The following ZNF750 variants were observed in gnomAD, a reference collection of about 807,000 sequenced individuals.
ZNF750 encodes the protein protein ZNF750.
Under a neutral mutation model 31.6 loss-of-function variants are expected in ZNF750, and 10 were observed. That is an observed-to-expected ratio of 0.32 (90% confidence interval 0.19 to 0.54). The LOEUF (loss-of-function observed/expected upper bound fraction) is 0.54. ZNF750 is among the 20% of genes least tolerant of loss of function. ZNF750 has a pLI of 0.95. For synonymous variants in ZNF750, 400 were observed against 404.9 expected (o/e 0.99, Z 0.15); for missense variants, 914 against 934.9 (o/e 0.98, Z 0.29).
chr17:82,830,732 G>T lies in ZNF750; in HGVS notation c.1582C>A (p.His528Asn), dbSNP rs754545959. 1 of 1,614,088 alleles carries T rather than the reference G, an allele frequency of 6.2e-7. No homozygotes were observed. Among genetic ancestry groups the T allele is most frequent in the South Asian group, 1.1e-5 (1 of 91,076 alleles). Reference sequence around the variant, plus strand: ...GGGCTGCCTTGGTACGTGGGTTCGTGGGTGGCTGCCAGGTTTATCTCTGAT... The same window carrying T: ...GGGCTGCCTTGGTACGTGGGTTCGTTGGTGGCTGCCAGGTTTATCTCTGAT... ...KKSEINLAAT[H>N]EPTYQGSPQA... Residue 528 changes from histidine (H) to asparagine (N), a missense_variant, in exon 3 of 3, where the codon CAC (histidine) becomes AAC (asparagine). By Grantham distance (68) the His-to-Asn change is moderately conservative. Around this residue, in one of 2 missense-constraint regions of ZNF750, gnomAD observed 880 missense variants for 868.9 expected, o/e 1.01. Transcript: ENST00000269394.
Position 82,835,815 on chromosome 17 carries a change from A to G in ZNF750, c.-182-3179T>C, listed in dbSNP as rs1330667672. ...TTTAAGTTCTTTAAGACATTTATTT[A>G]CTAAGAAGTGGTTTGGGTAGAAAAG... On this transcript the variant is annotated intron_variant, in intron 1 of 2. Transcript: ENST00000269394. The surrounding 1 kb of genome is among the most constrained non-coding windows in gnomAD (Gnocchi z 4.5). Among the ~76,000 whole-genome samples the G allele has an allele frequency of 6.6e-6, 1 of 152,204 alleles. No individual in the cohort carries two copies. The highest frequency in any genetic ancestry group is 1.5e-5 in the Non-Finnish European group (1 of 68,046).
At position 82,830,784 on chromosome 17, in the gene ZNF750, C is replaced by T; in HGVS notation, c.1530G>A (p.Gly510=). The part of the protein sequence containing the change: ...AAPSSPDDSS[G]MGPLNLSKKS... ...TCTTGGAGAGGTTGAGGGGGCCCATCCCGGAGCTGTCGTCCGGACTGGAAG... is the reference window on the plus strand; with the variant it reads ...TCTTGGAGAGGTTGAGGGGGCCCATTCCGGAGCTGTCGTCCGGACTGGAAG... The change falls in exon 3 of 3, where the codon GGG becomes GGA. Residue 510 remains glycine (G), a synonymous_variant. Transcript: ENST00000269394. 1.2e-6 allele frequency: 2 copies of T among 1,613,612 alleles called. No individual in the cohort carries two copies. The highest frequency in any genetic ancestry group is 2.2e-5 in the East Asian group (1 of 44,876).
rs1326538356 is a variant in ZNF750, at chr17:82,832,645, A to C, written c.-182-9T>G. The stretch of plus-strand genomic sequence containing the variant: ...CATCTGGCGGCTGGGAGCTGTAATA[A>C]AGAGCAGTCTTGGTGTCAGGACAGC... On this transcript the variant is annotated splice_polypyrimidine_tract_variant and intron_variant, in intron 1 of 2. Coordinates refer to ENST00000269394, the MANE Select transcript of ZNF750 (RefSeq NM_024702.3). The surrounding 1 kb of genome is among the most constrained non-coding windows in gnomAD (Gnocchi z 4.9). The C allele has an allele frequency of 3.1e-6, 2 of 635,738 alleles. No individual in the cohort carries two copies. Among genetic ancestry groups the C allele is most frequent in the Non-Finnish European group, 5.5e-6 (2 of 360,786 alleles). The allele number at this position is 635,738 out of a possible 1,614,324, so 39.4% of individuals were successfully genotyped here.
intron 1 of ZNF750, 100 bp downstream of exon 1, chr17:82,839,827 A>C (rs1453299719): frequency 2.0e-5 from 3 of 152,298 alleles, no homozygotes; most frequent in Admixed American, 6.5e-5. Flanking sequence ...AAGGCAGAGC[A>C]GACACGGAGC....
chr17:82,838,153 G>A (rs2054143199), intron 1 of ZNF750, among the ~76,000 whole-genome samples: 1 of 152,244 alleles, frequency 6.6e-6, no homozygotes, highest in African/African-American at 2.4e-5. Context: ...GCTTTGAAGA[G>A]TGAGTGGTTT....
chr17:82,830,119 T>G lies in ZNF750; in HGVS notation c.*23A>C. ...AGGCGTGTGTGTGGCCGTAGCTCTG[T>G]GAACACACGTGTGAACCCGGCGTTA... On this transcript the variant is annotated 3_prime_UTR_variant, in exon 3 of 3. Transcript: ENST00000269394. 1 of 1,612,880 alleles carries G rather than the reference T, an allele frequency of 6.2e-7. No individual in the cohort carries two copies. Among genetic ancestry groups the G allele is most frequent in the Non-Finnish European group, 8.5e-7 (1 of 1,179,952 alleles).
At chr17:82,836,105 G>A (rs1011322097) in intron 1 of ZNF750, among the ~76,000 whole-genome samples, 1 of 152,236 alleles carries the variant, frequency 6.6e-6, no homozygotes. Flanking sequence ...AAGAAAGAAC[G>A]TGAAATAATT....
rs151106442 is a variant in ZNF750, at chr17:82,832,178, T to C, written c.277A>G (p.Asn93Asp). ...TTCGAGTCGAAGGCAGAGAGTCCAT[T>C]TGCGACAGACTTGGAAGAGGCTGGC... ...AKPASSKSVA[N>D]GLSAFDSKLQ... Residue 93 changes from asparagine to aspartate, a missense_variant, in exon 2 of 3, where the codon AAT becomes GAT. Coordinates refer to ENST00000269394, the MANE Select transcript of ZNF750 (RefSeq NM_024702.3). The surrounding 1 kb of genome is among the most constrained non-coding windows in gnomAD (Gnocchi z 4.9). 1.5e-3 allele frequency: 2,406 copies of C among 1,614,210 alleles called. 30 individuals carry two copies. In the African/African-American group the frequency reaches 0.028, roughly 19 times the overall value.
intron 1 of ZNF750, among the ~76,000 whole-genome samples, chr17:82,834,774 C>T (rs1464644392): frequency 1.3e-5 from 2 of 152,098 alleles, no homozygotes; most frequent in Non-Finnish European, 2.9e-5. Context: ...GCATGCAGGG[C>T]TTAAAACCTA....
At chr17:82,834,792 G>A (rs2053827770) in intron 1 of ZNF750, among the ~76,000 whole-genome samples, 1 of 152,046 alleles carries the variant, frequency 6.6e-6, no homozygotes, top group Non-Finnish European at 1.5e-5. Flanking sequence ...CTAGATGATC[G>A]GTTGATGGGT....
Position 82,830,378 on chromosome 17 carries a change from G to A in ZNF750, c.1936C>T (p.Pro646Ser). Reference sequence around the variant, plus strand: ...CCATCGCCCACCCGGATGTTCCTGGGGCTGTAGGCCGCCAGCTGGCACAGG... The same window carrying A: ...CCATCGCCCACCCGGATGTTCCTGGAGCTGTAGGCCGCCAGCTGGCACAGG... ...VALCQLAAYS[P>S]RNIRVGDGDA... is the part of the protein sequence containing the mutation. The change falls in exon 3 of 3, where the codon CCC becomes TCC. Residue 646 changes from proline to serine, a missense_variant. Around this residue, in one of 2 missense-constraint regions of ZNF750, gnomAD observed 880 missense variants for 868.9 expected, o/e 1.01. Coordinates refer to ENST00000269394, the MANE Select transcript of ZNF750 (RefSeq NM_024702.3). 6.2e-7 allele frequency: 1 copy of A among 1,612,850 alleles called. No homozygotes were observed. The highest frequency in any genetic ancestry group is 8.5e-7 in the Non-Finnish European group (1 of 1,180,036).
At position 82,829,966 on chromosome 17, in the gene ZNF750, A is replaced by T; in HGVS notation, c.*176T>A. ...GAAGCACCTTTTAATATTCATGCTT[A>T]ATATTTATAAAAACTGAATTGGAGG... is the stretch of plus-strand genomic sequence containing the variant. On this transcript the variant is annotated 3_prime_UTR_variant, in exon 3 of 3. Transcript: ENST00000269394. 9.6e-7 allele frequency: 1 copy of T among 1,043,950 alleles called. No individual in the cohort carries two copies. The highest frequency in any genetic ancestry group is 1.4e-6 in the Non-Finnish European group (1 of 735,368). 64.7% of individuals were successfully genotyped at this position (1,043,950 alleles called of 1,614,324 possible).
At position 82,835,324 on chromosome 17, in the gene ZNF750, G is replaced by A. The variant is rs1300203939; in HGVS notation, c.-182-2688C>T. On this transcript the variant is annotated intron_variant, in intron 1 of 2. Transcript: ENST00000269394. This position sits in a 1 kb window ranked among gnomAD's most constrained non-coding sequence, Gnocchi z 4.5. ...TCCTCCCACACGCCAGGGGCCAGGG[G>A]TGGTGGCTGGGCTTTCATATGGCTG... Among the ~76,000 whole-genome samples, 3 of 152,220 alleles carry A rather than the reference G, an allele frequency of 2.0e-5. No individual in the cohort carries two copies. The highest frequency in any genetic ancestry group is 7.2e-5 in the African/African-American group (3 of 41,466).
At chr17:82,836,286 G>A (rs540623502) in intron 1 of ZNF750, among the ~76,000 whole-genome samples, 15 of 152,212 alleles carry the variant, frequency 9.9e-5, no homozygotes, top group Non-Finnish European at 1.9e-4. Context: ...CGCGCTCCCT[G>A]GTTCTGAAGG....
chr17:82,831,332 C>T lies in ZNF750; in HGVS notation c.1123G>A (p.Val375Ile), dbSNP rs769781285. The change falls in exon 2 of 3, where the codon GTC becomes ATC. Residue 375 changes from valine to isoleucine, a missense_variant. Physicochemically the swap from Val to Ile is conservative, Grantham distance 29 (BLOSUM62 3). Around this residue, in one of 2 missense-constraint regions of ZNF750, gnomAD observed 880 missense variants for 868.9 expected, o/e 1.01. Transcript: ENST00000269394. This position sits in a 1 kb window ranked among gnomAD's most constrained non-coding sequence, Gnocchi z 4.6. ...LNPSDPNRKH[V>I]EFESPIPEAK... ...TCAGGAATTGGACTTTCGAACTCGA[C>T]GTGTTTTCTGTTGGGGTCCGAAGGG... 10 of 1,614,018 alleles carry T rather than the reference C, an allele frequency of 6.2e-6. No individual in the cohort carries two copies. The East Asian group carries it at 6.7e-5, about 11-fold the overall frequency.
chr17:82,832,563 C>G lies in ZNF750; in HGVS notation c.-109G>C. 11 of 982,468 alleles carry G rather than the reference C, an allele frequency of 1.1e-5. No homozygotes were observed. Among genetic ancestry groups the G allele is most frequent in the Non-Finnish European group, 1.7e-5 (11 of 636,186 alleles). The allele number at this position is 982,468 out of a possible 1,614,324, so 60.9% of individuals were successfully genotyped here. A position where few individuals can be genotyped will look rare whatever the true frequency, so the allele number is the denominator to read the frequency against. On this transcript the variant is annotated 5_prime_UTR_variant, in exon 2 of 3. Coordinates refer to ENST00000269394, the MANE Select transcript of ZNF750 (RefSeq NM_024702.3). This position sits in a 1 kb window ranked among gnomAD's most constrained non-coding sequence, Gnocchi z 4.9. ...GCACCTCCCGCTTTGCTTTCTTTCC[C>G]GATCACTTCTATCAGAAGCCAGCTC...
chr17:82,836,083 T>TC (rs1295776804), intron 1 of ZNF750, among the ~76,000 whole-genome samples: 3 of 151,616 alleles, frequency 2.0e-5, no homozygotes, highest in Non-Finnish European at 4.4e-5. Context: ...CTTTCTAATT[T>TC]CCCCCTATTA....
chr17:82,839,188 T>C (rs954405577), intron 1 of ZNF750, among the ~76,000 whole-genome samples: 8 of 152,248 alleles, frequency 5.3e-5, no homozygotes, highest in African/African-American at 1.4e-4. Context: ...AGATAGTAAA[T>C]TCGGCACTGT....
At chr17:82,839,644 A>G (rs1291955460) in intron 1 of ZNF750, among the ~76,000 whole-genome samples, 1 of 152,178 alleles carries the variant, frequency 6.6e-6, no homozygotes, top group Admixed American at 6.5e-5. Flanking sequence ...AATAATATGA[A>G]TTTGTGTTGG....
Sources: gnomAD v4.1 joint callset for allele counts (sites outside exome capture counted in the v4.1 genomes callset) on GRCh38, gnomAD v4.1.1 for gene constraint, gnomAD v4.1.1 regional missense constraint, Gnocchi (gnomAD v3.1) non-coding constraint, MANE v1.5 for transcripts, NCBI Gene and HGNC (gene_info 2026-07-23, HGNC 2026-07-21) for gene names.